CPNE8: variants seen among roughly 807,000 people sequenced by gnomAD.
CPNE8 encodes copine 8, also known as copine-8.
CPNE8 carries 45 observed loss-of-function variants against 81.5 expected under a neutral mutation model. The observed-to-expected ratio is 0.55, with a 90% CI of 0.44 to 0.71. CPNE8 has a LOEUF of 0.71. Among genes scored for constraint, CPNE8 ranks in the 30% least tolerant of loss-of-function variants. The pLI, the probability that CPNE8 is intolerant of heterozygous loss-of-function variation, is 0.00. For missense variants in CPNE8, 594 were observed against 672.1 expected (o/e 0.88, Z 1.28); for synonymous variants, 252 against 226.3 (o/e 1.11, Z -1.02).
chr12:38,655,412 T>A (rs944055803), intron 19 of CPNE8, among the ~76,000 whole-genome samples: 1 of 152,124 alleles, frequency 6.6e-6, no homozygotes, highest in African/African-American at 2.4e-5. Flanking sequence ...ACTGTGAATG[T>A]TGTGATAATT....
At chr12:38,850,282 T>G (rs1943625221) in intron 3 of CPNE8, among the ~76,000 whole-genome samples, 1 of 152,158 alleles carries the variant, frequency 6.6e-6, no homozygotes, top group African/African-American at 2.4e-5. Context: ...GCTCAGCCAG[T>G]ACCCATATTC....
intron 6 of CPNE8, among the ~76,000 whole-genome samples, chr12:38,776,914 G>A (rs1004424674): frequency 6.6e-6 from 1 of 151,618 alleles, no homozygotes; most frequent in Non-Finnish European, 1.5e-5. Flanking sequence ...AAGTATGTAT[G>A]TACAGTCCAT....
At chr12:38,848,496 T>G (rs1283876566) in intron 4 of CPNE8, 63 bp downstream of exon 4, 3 of 1,489,578 alleles carry the variant, frequency 2.0e-6, no homozygotes, top group Non-Finnish European at 8.9e-7. Flanking sequence ...GGACCCTGCC[T>G]TACATTAGTA....
intron 14 of CPNE8, among the ~76,000 whole-genome samples, chr12:38,699,178 A>G (rs551767219): frequency 4.0e-4 from 61 of 152,164 alleles, no homozygotes; most frequent in Non-Finnish European, 7.8e-4. Flanking sequence ...ATCTTGTTTC[A>G]GAGTTGTTGG....
intron 6 of CPNE8, among the ~76,000 whole-genome samples, chr12:38,800,021 C>T (rs1374403978): frequency 7.3e-6 from 1 of 136,430 alleles, no homozygotes; most frequent in Non-Finnish European, 1.6e-5. Flanking sequence ...CACGGAATCT[C>T]GCTGATTGCT....
chr12:38,813,634 T>A (rs1942973639), intron 6 of CPNE8, among the ~76,000 whole-genome samples: 1 of 152,224 alleles, frequency 6.6e-6, no homozygotes, highest in Non-Finnish European at 1.5e-5. Context: ...ATCAGGGACA[T>A]GTAATAGATC....
At chr12:38,662,531 G>T (rs1938981926) in intron 19 of CPNE8, among the ~76,000 whole-genome samples, 1 of 152,106 alleles carries the variant, frequency 6.6e-6, no homozygotes, top group Non-Finnish European at 1.5e-5. Flanking sequence ...TCATGGATTG[G>T]AATAATTAAT....
chr12:38,675,651 C>A, intron 18 of CPNE8, 66 bp downstream of exon 18: 1 of 1,035,950 alleles, frequency 9.7e-7, no homozygotes, highest in Non-Finnish European at 1.5e-6. Context: ...ATGGCAGAAA[C>A]CCAAGAGCAT....
chr12:38,781,246 GA>G (rs1942047049), intron 6 of CPNE8, among the ~76,000 whole-genome samples: 1 of 151,948 alleles, frequency 6.6e-6, no homozygotes. Context: ...ACTAAAGAAA[GA>G]ATGGGGCAGA....
intron 3 of CPNE8, among the ~76,000 whole-genome samples, chr12:38,851,453 T>C (rs1406770085): frequency 1.3e-5 from 2 of 152,256 alleles, no homozygotes; most frequent in Non-Finnish European, 2.9e-5. Context: ...AATCAGACCA[T>C]AAATGAAAGT....
chr12:38,791,080 T>C (rs1047969440), intron 6 of CPNE8, among the ~76,000 whole-genome samples: 1 of 151,736 alleles, frequency 6.6e-6, no homozygotes. Flanking sequence ...CTATGTACAC[T>C]TTCATCTTCC....
At chr12:38,746,007 G>T (rs1328918205) in intron 10 of CPNE8, among the ~76,000 whole-genome samples, 2 of 152,116 alleles carry the variant, frequency 1.3e-5, no homozygotes, top group East Asian at 3.9e-4. Flanking sequence ...AGCTCTCCAG[G>T]TGATTCTCAT....
chr12:38,655,363 G>A (rs954323840), intron 19 of CPNE8, among the ~76,000 whole-genome samples: 1 of 152,048 alleles, frequency 6.6e-6, no homozygotes, highest in Non-Finnish European at 1.5e-5. Flanking sequence ...TTTCCCTTAG[G>A]GGCATAATGA....
At chr12:38,703,132 GT>G (rs2136691567) in intron 13 of CPNE8, among the ~76,000 whole-genome samples, 1 of 152,162 alleles carries the variant, frequency 6.6e-6, no homozygotes, top group Admixed American at 6.5e-5. Flanking sequence ...TATATTTATA[GT>G]CACATACAAT....
At chr12:38,717,318 A>G (rs1044800583) in intron 13 of CPNE8, among the ~76,000 whole-genome samples, 9 of 151,150 alleles carry the variant, frequency 6.0e-5, no homozygotes, top group African/African-American at 2.2e-4. Context: ...AAGCCATTAT[A>G]TGAAAAAAAC....
intron 3 of CPNE8, among the ~76,000 whole-genome samples, chr12:38,852,199 G>A (rs749354522): frequency 2.6e-5 from 4 of 152,038 alleles, no homozygotes; most frequent in Non-Finnish European, 5.9e-5. Context: ...AGGCCAAGGT[G>A]GGCAGATCAC....
chr12:38,715,075 TA>T (rs1253360157), intron 13 of CPNE8, among the ~76,000 whole-genome samples: 2 of 152,040 alleles, frequency 1.3e-5, no homozygotes, highest in Non-Finnish European at 2.9e-5. Context: ...TTGATTCCAT[TA>T]TTTTTTTGTG....
At chr12:38,810,000 A>G (rs193071941) in intron 6 of CPNE8, among the ~76,000 whole-genome samples, 1 of 152,202 alleles carries the variant, frequency 6.6e-6, no homozygotes, top group South Asian at 2.1e-4. Flanking sequence ...GAGCTTTTTC[A>G]TGGTTCACAA....
At chr12:38,868,650 T>C (rs1050737658) in intron 3 of CPNE8, among the ~76,000 whole-genome samples, 7 of 152,180 alleles carry the variant, frequency 4.6e-5, no homozygotes, top group African/African-American at 1.4e-4. Flanking sequence ...AACCTACTAC[T>C]GTGGGATACT....
Sources: gnomAD v4.1 joint callset for allele counts (sites outside exome capture counted in the v4.1 genomes callset) on GRCh38, gnomAD v4.1.1 for gene constraint, MANE v1.5 for transcripts, NCBI Gene and HGNC (gene_info 2026-07-23, HGNC 2026-07-21) for gene names.